The following RASGEF1C variants were observed in gnomAD, a reference collection of about 807,000 sequenced individuals.
RASGEF1C encodes RasGEF domain family member 1C.
Under a neutral mutation model 58.1 loss-of-function variants are expected in RASGEF1C, and 27 were observed. The ratio of observed to expected loss-of-function variants is 0.46; its 90% CI spans 0.34 to 0.64. RASGEF1C has a LOEUF of 0.64. RASGEF1C is among the 30% of genes least tolerant of loss of function. The probability of loss-of-function intolerance (pLI) is 0.01; values close to 1 mark genes in which losing one functional copy is unlikely to be tolerated. For synonymous variants in RASGEF1C, 243 were observed against 246.3 expected (o/e 0.99, Z 0.13); for missense variants, 502 against 605.1 (o/e 0.83, Z 1.79).
intron 1 of RASGEF1C, among the ~76,000 whole-genome samples, chr5:180,185,067 C>A (rs562127548): frequency 6.6e-6 from 1 of 152,084 alleles, no homozygotes; most frequent in Admixed American, 6.6e-5. Context: ...CCGAGGTGGG[C>A]GGATCACAAG....
chr5:180,124,410 C>T (rs1301468987), intron 6 of RASGEF1C, among the ~76,000 whole-genome samples: 3 of 152,104 alleles, frequency 2.0e-5, no homozygotes, highest in Admixed American at 6.5e-5. Context: ...GTCTCACTGA[C>T]GATTATAGTT....
At chr5:180,122,891 A>G (rs1766199502) in intron 6 of RASGEF1C, among the ~76,000 whole-genome samples, 1 of 152,122 alleles carries the variant, frequency 6.6e-6, no homozygotes, top group Non-Finnish European at 1.5e-5. Context: ...AGAAACAGAT[A>G]AGGAAGATAA....
At chr5:180,170,033 C>T (rs1040818544) in intron 1 of RASGEF1C, among the ~76,000 whole-genome samples, 1 of 152,212 alleles carries the variant, frequency 6.6e-6, no homozygotes, top group Non-Finnish European at 1.5e-5. Flanking sequence ...TCATTTTCCT[C>T]GTGGCTTTTC....
intron 1 of RASGEF1C, among the ~76,000 whole-genome samples, chr5:180,194,790 T>A (rs1044712840): frequency 6.6e-6 from 1 of 152,218 alleles, no homozygotes; most frequent in Admixed American, 6.5e-5. Flanking sequence ...CTGACCGACC[T>A]TCTCCGAGGA....
chr5:180,208,004 CTT>C (rs1756518921), intron 1 of RASGEF1C, among the ~76,000 whole-genome samples: 1 of 152,196 alleles, frequency 6.6e-6, no homozygotes, highest in Non-Finnish European at 1.5e-5. Flanking sequence ...CTAGTGAGCA[CTT>C]ACGGGGGCAG....
At chr5:180,203,118 G>A (rs1413945871) in intron 1 of RASGEF1C, among the ~76,000 whole-genome samples, 1 of 152,150 alleles carries the variant, frequency 6.6e-6, no homozygotes, top group African/African-American at 2.4e-5. Flanking sequence ...ACATCCAACA[G>A]GCAGTTTCTA....
chr5:180,195,729 C>T (rs1756261978), intron 1 of RASGEF1C, among the ~76,000 whole-genome samples: 1 of 151,508 alleles, frequency 6.6e-6, no homozygotes, highest in African/African-American at 2.4e-5. Flanking sequence ...ACCACTACTG[C>T]ACTCCAGCCT....
At chr5:180,195,079 T>TG (rs949302913) in intron 1 of RASGEF1C, among the ~76,000 whole-genome samples, 2 of 152,226 alleles carry the variant, frequency 1.3e-5, no homozygotes, top group Non-Finnish European at 2.9e-5. Context: ...AGCCTGGAGT[T>TG]GCAGGGCCTC....
intron 1 of RASGEF1C, among the ~76,000 whole-genome samples, chr5:180,144,891 G>A (rs985449051): frequency 3.9e-5 from 6 of 152,078 alleles, no homozygotes; most frequent in African/African-American, 1.4e-4. Context: ...TTATATAAGT[G>A]GAATCATAAA....
rs116204733 is a variant in RASGEF1C, at chr5:180,181,628, C to A, written c.-7+27400G>T. On this transcript the variant is annotated intron_variant, in intron 1 of 13. Transcript: ENST00000361132. ...GGAATGCAGAAGATTTCTAACAAGC[C>A]GCCAGAAGCTGGGAACAGGCAGGGA... Among the ~76,000 whole-genome samples the A allele has an allele frequency of 1.5e-3, 236 of 152,286 alleles. 1 individual carries two copies. Among genetic ancestry groups the A allele is most frequent in the African/African-American group, 5.4e-3 (223 of 41,552 alleles).
At position 180,118,855 on chromosome 5, in the gene RASGEF1C, T is replaced by C. The variant is rs1561733413; in HGVS notation, c.919A>G (p.Met307Val). The change falls in exon 9 of 14, where the codon ATG (methionine) becomes GTG (valine). Residue 307 changes from methionine to valine, a missense_variant. Coordinates refer to ENST00000361132, the MANE Select transcript of RASGEF1C (RefSeq NM_175062.4). Reference protein sequence around the residue: ...SLMAIISGMNMSPVSRLKKTW... With the variant: ...SLMAIISGMNVSPVSRLKKTW... Reference sequence around the variant, plus strand: ...TTCTTCAGCCTGGAGACAGGGCTCATGTTCATGCCGGCTGGAAGAGGGAGG... The same window carrying C: ...TTCTTCAGCCTGGAGACAGGGCTCACGTTCATGCCGGCTGGAAGAGGGAGG... The C allele has an allele frequency of 1.2e-6, 2 of 1,614,170 alleles. No homozygotes were observed. Among genetic ancestry groups the C allele is most frequent in the Non-Finnish European group, 1.7e-6 (2 of 1,180,008 alleles).
intron 1 of RASGEF1C, among the ~76,000 whole-genome samples, chr5:180,159,422 G>A (rs1431411911): frequency 1.3e-5 from 2 of 152,244 alleles, no homozygotes; most frequent in Non-Finnish European, 2.9e-5. Flanking sequence ...TTACAGGCAT[G>A]AGCCACCGTG....
At chr5:180,126,797 G>A (rs1766270425) in intron 6 of RASGEF1C, among the ~76,000 whole-genome samples, 1 of 152,154 alleles carries the variant, frequency 6.6e-6, no homozygotes, top group Admixed American at 6.5e-5. Context: ...CGTGTACATG[G>A]GTGTGTATCT....
At chr5:180,162,940 T>C (rs191830570) in intron 1 of RASGEF1C, among the ~76,000 whole-genome samples, 112 of 152,300 alleles carry the variant, frequency 7.4e-4, no homozygotes, top group Non-Finnish European at 1.4e-3. Flanking sequence ...ACGCAGATAC[T>C]GCACACAGAT....
intron 13 of RASGEF1C, 92 bp from the exon 14 acceptor site, chr5:180,101,617 TGAG>T (rs1357295320): frequency 6.7e-7 from 1 of 1,502,732 alleles, no homozygotes; most frequent in Non-Finnish European, 9.1e-7. Context: ...CTCAGTGCGC[TGAG>T]GAGAGCCAGC....
At chr5:180,106,903 C>T (rs1166429639) in intron 12 of RASGEF1C, among the ~76,000 whole-genome samples, 1 of 152,144 alleles carries the variant, frequency 6.6e-6, no homozygotes, top group Non-Finnish European at 1.5e-5. Flanking sequence ...AGTTATTTCT[C>T]CTTTCAGTTT....
intron 1 of RASGEF1C, among the ~76,000 whole-genome samples, chr5:180,185,067 CGGATCACA>C (rs1756009281): frequency 6.6e-6 from 1 of 152,084 alleles, no homozygotes; most frequent in Non-Finnish European, 1.5e-5. Flanking sequence ...CCGAGGTGGG[CGGATCACA>C]AGGTCAGGAG....
At chr5:180,193,383 C>CT (rs1190989023) in intron 1 of RASGEF1C, among the ~76,000 whole-genome samples, 3 of 152,090 alleles carry the variant, frequency 2.0e-5, no homozygotes, top group Admixed American at 6.6e-5. Flanking sequence ...TTAATTTCAC[C>CT]TTTTTTAACG....
chr5:180,175,967 G>A lies in RASGEF1C; in HGVS notation c.-7+33061C>T, dbSNP rs147738425. Among the ~76,000 whole-genome samples, 202 of 152,328 alleles carry A rather than the reference G, an allele frequency of 1.3e-3. 2 individuals are homozygous for A. In the East Asian group the frequency reaches 0.031, roughly 23 times the overall value. ...CACGCCACTGCACTCCAGCCTGGGC[G>A]ACAGAGCGGGACTCCGTCTCGAAGA... On this transcript the variant is annotated intron_variant, in intron 1 of 13. Coordinates refer to ENST00000361132, the MANE Select transcript of RASGEF1C (RefSeq NM_175062.4).
Sources: allele counts gnomAD v4.1 joint callset (sites outside exome capture counted in the v4.1 genomes callset), GRCh38; gene constraint gnomAD v4.1.1; transcripts MANE v1.5; gene names NCBI Gene and HGNC (gene_info 2026-07-23, HGNC 2026-07-21).